The following IKBKB-DT variants were observed in gnomAD, a reference collection of about 807,000 sequenced individuals.
The protein encoded by IKBKB-DT is IKBKB antisense RNA.
intron 3 of IKBKB-DT, among the ~76,000 whole-genome samples, chr8:42,254,703 G>A (rs1469581736): frequency 6.7e-6 from 1 of 149,462 alleles, no homozygotes; most frequent in Non-Finnish European, 1.5e-5. Context: ...TCCCCATCTG[G>A]GATGTCAGGA....
chr8:42,264,311 C>T (rs1807337930), intron 2 of IKBKB-DT, among the ~76,000 whole-genome samples: 1 of 151,950 alleles, frequency 6.6e-6, no homozygotes. Flanking sequence ...CACGACACCA[C>T]ACCCAGCTAA....
At chr8:42,260,819 A>C (rs534091984) in intron 3 of IKBKB-DT, among the ~76,000 whole-genome samples, 2 of 152,142 alleles carry the variant, frequency 1.3e-5, no homozygotes, top group African/African-American at 4.8e-5. Context: ...TTAGCAAATG[A>C]CTGAAGACCA....
At chr8:42,251,144 G>A (rs1192509455) in intron 3 of IKBKB-DT, among the ~76,000 whole-genome samples, 3 of 152,220 alleles carry the variant, frequency 2.0e-5, no homozygotes, top group Non-Finnish European at 2.9e-5. Flanking sequence ...TCGGTGCCAC[G>A]AACAAAAGAA....
At chr8:42,246,903 C>A (rs1281679516) in intron 3 of IKBKB-DT, among the ~76,000 whole-genome samples, 2 of 152,104 alleles carry the variant, frequency 1.3e-5, no homozygotes, top group Non-Finnish European at 2.9e-5. Context: ...GATCATCAGG[C>A]ATTAGTTAGA....
Position 42,260,968 on chromosome 8 carries a change from G to A in IKBKB-DT, n.1529+2361C>T, listed in dbSNP as rs184806343. ...GAGCCACTCCCATAGACAGCCAAGG[G>A]AAGAAAGTCTTAGAAAACACCCCAA... On this transcript the variant is annotated intron_variant and non_coding_transcript_variant, in intron 3 of 3. Coordinates refer to ENST00000518213, the Ensembl canonical transcript of IKBKB-DT. Among the ~76,000 whole-genome samples, 191 of 152,258 alleles carry A rather than the reference G, an allele frequency of 1.3e-3. 1 individual carries two copies. Among genetic ancestry groups the A allele is most frequent in the African/African-American group, 4.4e-3 (184 of 41,550 alleles).
At chr8:42,267,008 T>G (rs1438882171) in intron 1 of IKBKB-DT, among the ~76,000 whole-genome samples, 6 of 147,218 alleles carry the variant, frequency 4.1e-5, no homozygotes, top group South Asian at 2.1e-4. Flanking sequence ...TTTTTTGTTT[T>G]TTTTTTTTTT....
At chr8:42,254,340 G>A (rs1410803958) in intron 3 of IKBKB-DT, among the ~76,000 whole-genome samples, 1 of 152,250 alleles carries the variant, frequency 6.6e-6, no homozygotes, top group African/African-American at 2.4e-5. Context: ...CCCTGATTAA[G>A]TGCAACAAGA....
intron 1 of IKBKB-DT, among the ~76,000 whole-genome samples, chr8:42,269,104 C>A (rs575313484): frequency 4.8e-4 from 73 of 151,468 alleles, no homozygotes; most frequent in African/African-American, 1.6e-3. Context: ...TGCTTTGAGG[C>A]CAGGAGTTCA....
intron 3 of IKBKB-DT, among the ~76,000 whole-genome samples, chr8:42,260,548 T>C (rs1807271777): frequency 6.6e-6 from 1 of 151,430 alleles, no homozygotes; most frequent in Admixed American, 6.6e-5. Flanking sequence ...CACGTGTCTG[T>C]AATCCCAGCT....
chr8:42,244,924 C>T (rs1046819047), intron 3 of IKBKB-DT, among the ~76,000 whole-genome samples: 2 of 152,192 alleles, frequency 1.3e-5, no homozygotes, highest in Non-Finnish European at 2.9e-5. Context: ...AAATGATTTA[C>T]TTTCCAAGGG....
intron 3 of IKBKB-DT, among the ~76,000 whole-genome samples, chr8:42,236,288 A>T (rs947110545): frequency 6.6e-6 from 1 of 151,978 alleles, no homozygotes; most frequent in Non-Finnish European, 1.5e-5. Context: ...GGTGTGAGCC[A>T]CTGTGCCTGG....
chr8:42,254,754 C>T (rs977582062), intron 3 of IKBKB-DT, among the ~76,000 whole-genome samples: 7 of 148,590 alleles, frequency 4.7e-5, no homozygotes, highest in Non-Finnish European at 7.4e-5. Context: ...AAGTGAGGAG[C>T]GCCTCTGCCC....
chr8:42,269,454 GGGA>G (rs1807456335), intron 1 of IKBKB-DT, among the ~76,000 whole-genome samples: 5 of 2,878 alleles, frequency 1.7e-3, no homozygotes, highest in Non-Finnish European at 6.3e-3. Flanking sequence ...GGGAGGGGAG[GGGA>G]GGGGAGGGGA....
At chr8:42,238,717 C>A (rs544678918) in intron 3 of IKBKB-DT, among the ~76,000 whole-genome samples, 2 of 152,250 alleles carry the variant, frequency 1.3e-5, no homozygotes, top group African/African-American at 4.8e-5. Flanking sequence ...AATTCTGGGA[C>A]CAACTGACTC....
intron 3 of IKBKB-DT, among the ~76,000 whole-genome samples, chr8:42,248,180 A>G (rs913256630): frequency 3.3e-5 from 5 of 152,086 alleles, no homozygotes; most frequent in African/African-American, 1.2e-4. Context: ...CTGTGAATCA[A>G]TTAAACCTCC....
At chr8:42,257,218 A>G (rs1807213861) in intron 3 of IKBKB-DT, among the ~76,000 whole-genome samples, 1 of 152,226 alleles carries the variant, frequency 6.6e-6, no homozygotes. Flanking sequence ...AAGAAGAAAG[A>G]CAAGGCCGGG....
intron 3 of IKBKB-DT, among the ~76,000 whole-genome samples, chr8:42,258,019 A>G (rs1169410719): frequency 6.6e-6 from 1 of 152,030 alleles, no homozygotes; most frequent in East Asian, 1.9e-4. Flanking sequence ...CATGAAACAC[A>G]GGAAATTATT....
chr8:42,252,255 A>G (rs755463098), intron 3 of IKBKB-DT, among the ~76,000 whole-genome samples: 31 of 152,194 alleles, frequency 2.0e-4, no homozygotes, highest in Non-Finnish European at 3.4e-4. Flanking sequence ...CTTGTGCCCT[A>G]TGTAAATCAG....
intron 3 of IKBKB-DT, among the ~76,000 whole-genome samples, chr8:42,259,095 G>A (rs529982521): frequency 2.6e-5 from 4 of 151,618 alleles, no homozygotes; most frequent in South Asian, 2.1e-4. Context: ...GCGCTATCTC[G>A]GTTCACCGCA....
Sources: gnomAD v4.1 joint callset for allele counts (sites outside exome capture counted in the v4.1 genomes callset) on GRCh38, gnomAD v4.1.1 for gene constraint, MANE v1.5 for transcripts, NCBI Gene and HGNC (gene_info 2026-07-23, HGNC 2026-07-21) for gene names.